The following ZDHHC14 variants were observed in gnomAD, a reference collection of about 807,000 sequenced individuals.
ZDHHC14 encodes the protein zDHHC palmitoyltransferase 14.
A neutral mutation model predicts 47.7 loss-of-function variants in ZDHHC14; 16 were observed. The ratio of observed to expected loss-of-function variants is 0.34; its 90% confidence interval spans 0.23 to 0.51. The LOEUF is 0.51. Ranked by LOEUF, ZDHHC14 falls within the 20% of genes least tolerant of loss-of-function variation. ZDHHC14 has a pLI of 0.97. For missense variants in ZDHHC14, 515 were observed against 662.5 expected, an observed-to-expected ratio of 0.78 and a Z score of 2.44; for synonymous variants, 293 against 278.9, an observed-to-expected ratio of 1.05 and a Z score of -0.50.
chr6:157,382,413 T>C, intron 1 of ZDHHC14, 147 bp downstream of exon 1: 3 of 1,034,558 alleles, frequency 2.9e-6, no homozygotes, highest in Non-Finnish European at 4.1e-6. Context: ...TTTTTTCTTT[T>C]AAAGGTCTGA....
chr6:157,561,469 G>A (rs1316105379), intron 2 of ZDHHC14, among the ~76,000 whole-genome samples: 2 of 152,174 alleles, frequency 1.3e-5, no homozygotes, highest in African/African-American at 4.8e-5. Flanking sequence ...CCTTCCCCTG[G>A]AAATTCTGAC....
At position 157,533,138 on chromosome 6, in the gene ZDHHC14, T is replaced by A. The variant is rs184722953; in HGVS notation, c.246-9447T>A. Among the ~76,000 whole-genome samples the A allele has an allele frequency of 3.9e-5, 6 of 152,334 alleles. No homozygotes were observed. The East Asian group carries it at 1.2e-3, about 29-fold the overall frequency. On this transcript the variant is annotated intron_variant, in intron 1 of 8. Coordinates refer to ENST00000359775, the MANE Select transcript of ZDHHC14 (RefSeq NM_024630.3). ...CTGTACTTTGTATCCTGTGTTTTTTTAGATGTCTCTTCATTTCATCTAACA... is the reference window on the plus strand; with the variant it reads ...CTGTACTTTGTATCCTGTGTTTTTTAAGATGTCTCTTCATTTCATCTAACA...
At chr6:157,645,677 C>T in intron 5 of ZDHHC14, 60 bp from the exon 6 acceptor site, 1 of 1,412,102 alleles carries the variant, frequency 7.1e-7, no homozygotes, top group Non-Finnish European at 9.9e-7. Context: ...TTCCAGGCCT[C>T]CATCACATCC....
chr6:157,410,077 C>T (rs1045007784), intron 1 of ZDHHC14, among the ~76,000 whole-genome samples: 5 of 151,984 alleles, frequency 3.3e-5, no homozygotes, highest in Non-Finnish European at 7.4e-5. Context: ...GTGATCTGCC[C>T]GCGCTGGCAG....
In ZDHHC14 at chr6:157,676,861, C is replaced by T. The variant is rs117136043; in HGVS notation, c.*3739C>T. The T allele has an allele frequency of 0.016, 2,419 of 152,350 alleles. 35 individuals are homozygous for T. Among genetic ancestry groups the T allele is most frequent in the East Asian group, 0.047 (243 of 5,184 alleles). The allele number at this position is 152,350 out of a possible 1,614,324, so 9.4% of individuals were successfully genotyped here. On this transcript the variant is annotated 3_prime_UTR_variant, in exon 9 of 9. Coordinates refer to ENST00000359775, the MANE Select transcript of ZDHHC14 (RefSeq NM_024630.3). Reference sequence around the variant, plus strand: ...CCAGGAACCAACTGCTTCTCAGCCTCGGCTTAGGGTCTTAAGTTCACCAGA... The same window carrying T: ...CCAGGAACCAACTGCTTCTCAGCCTTGGCTTAGGGTCTTAAGTTCACCAGA...
intron 1 of ZDHHC14, among the ~76,000 whole-genome samples, chr6:157,482,726 G>A (rs1779664400): frequency 6.6e-6 from 1 of 150,902 alleles, no homozygotes; most frequent in African/African-American, 2.4e-5. Context: ...ACACCGAATG[G>A]TTTTAGAATG....
Position 157,522,920 on chromosome 6 carries a change from C to T in ZDHHC14, c.246-19665C>T, listed in dbSNP as rs9918295. 3.6e-3 allele frequency among the ~76,000 whole-genome samples: 115 copies of T among 32,012 alleles called. 7 individuals are homozygous for T. The highest frequency in any genetic ancestry group is 0.021 in the African/African-American group (68 of 3,180). 21.0% of individuals were successfully genotyped at this position (32,012 alleles called of 152,430 possible). A position where few individuals can be genotyped will look rare whatever the true frequency, so the allele number is the denominator to read the frequency against. Reference sequence around the variant, plus strand: ...TCCTTCCTTCCTTCCTTCCTTCCTTCCTTTCTTTCTTTCTTTCTTTCTTTC... The same window carrying T: ...TCCTTCCTTCCTTCCTTCCTTCCTTTCTTTCTTTCTTTCTTTCTTTCTTTC... On this transcript the variant is annotated intron_variant, in intron 1 of 8. Transcript: ENST00000359775.
intron 3 of ZDHHC14, among the ~76,000 whole-genome samples, 187 bp downstream of exon 3, chr6:157,593,333 C>G (rs879273654): frequency 6.7e-6 from 1 of 149,972 alleles, no homozygotes. Context: ...ACACCCTGCA[C>G]CGCCCTTGGC....
chr6:157,452,448 G>T (rs1189805308), intron 1 of ZDHHC14, among the ~76,000 whole-genome samples: 2 of 152,074 alleles, frequency 1.3e-5, no homozygotes, highest in African/African-American at 4.8e-5. Context: ...GAGTATGTTT[G>T]TGTTGCATAT....
chr6:157,392,092 C>T (rs1777429284), intron 1 of ZDHHC14, among the ~76,000 whole-genome samples: 1 of 152,152 alleles, frequency 6.6e-6, no homozygotes, highest in South Asian at 2.1e-4. Context: ...TAAATCTGTC[C>T]TGCCAATGAC....
At chr6:157,572,899 T>C (rs538490973) in intron 2 of ZDHHC14, among the ~76,000 whole-genome samples, 3 of 151,986 alleles carry the variant, frequency 2.0e-5, no homozygotes, top group Admixed American at 6.5e-5. Flanking sequence ...TTGGGCTTTT[T>C]CCCCCGTCAA....
At chr6:157,647,445 G>C in intron 7 of ZDHHC14, 77 bp downstream of exon 7, 4 of 1,196,806 alleles carry the variant, frequency 3.3e-6, no homozygotes, top group Non-Finnish European at 4.8e-6. Context: ...CAGGCCGCCC[G>C]CCCTGGTGGA....
At chr6:157,578,577 C>T (rs1783393544) in intron 2 of ZDHHC14, among the ~76,000 whole-genome samples, 1 of 152,144 alleles carries the variant, frequency 6.6e-6, no homozygotes, top group Admixed American at 6.5e-5. Context: ...GTGGCCCCAC[C>T]CAAATCTCAT....
intron 1 of ZDHHC14, among the ~76,000 whole-genome samples, chr6:157,474,145 T>C (rs1779423859): frequency 6.6e-6 from 1 of 152,078 alleles, no homozygotes; most frequent in African/African-American, 2.4e-5. Flanking sequence ...CCCACCACCA[T>C]GCCCAGCTAA....
intron 8 of ZDHHC14, among the ~76,000 whole-genome samples, chr6:157,663,922 G>T (rs551714657): frequency 9.2e-5 from 14 of 152,308 alleles, no homozygotes; most frequent in African/African-American, 3.1e-4. Flanking sequence ...TAACAAAACC[G>T]GAGGAGGGAG....
chr6:157,452,424 G>A (rs1778823556), intron 1 of ZDHHC14, among the ~76,000 whole-genome samples: 1 of 152,070 alleles, frequency 6.6e-6, no homozygotes, highest in African/African-American at 2.4e-5. Context: ...TGTGAGACAG[G>A]GATCTTTGTT....
chr6:157,428,434 A>G (rs1778265368), intron 1 of ZDHHC14, among the ~76,000 whole-genome samples: 2 of 152,216 alleles, frequency 1.3e-5, no homozygotes, highest in Admixed American at 6.5e-5. Flanking sequence ...ATTAGGTGGA[A>G]TGACAAGTAA....
intron 5 of ZDHHC14, among the ~76,000 whole-genome samples, chr6:157,638,889 GA>G (rs991153285): frequency 5.5e-4 from 84 of 152,356 alleles, no homozygotes; most frequent in African/African-American, 1.9e-3. Flanking sequence ...TCTAGTGGGG[GA>G]CATGGAGGGA....
At chr6:157,416,078 C>T (rs919068086) in intron 1 of ZDHHC14, among the ~76,000 whole-genome samples, 1 of 152,198 alleles carries the variant, frequency 6.6e-6, no homozygotes, top group Non-Finnish European at 1.5e-5. Context: ...TCACGGGCAA[C>T]TCTCATCCCT....
Sources: allele counts gnomAD v4.1 joint callset (sites outside exome capture counted in the v4.1 genomes callset), GRCh38; gene constraint gnomAD v4.1.1; transcripts MANE v1.5; gene names NCBI Gene and HGNC (gene_info 2026-07-23, HGNC 2026-07-21).